ATP5MC2: variants seen among roughly 807,000 people sequenced by gnomAD.
The protein encoded by ATP5MC2 is ATP synthase F(0) complex subunit C2, mitochondrial.
Under a neutral mutation model 13.5 loss-of-function variants are expected in ATP5MC2, and 11 were observed. The ratio of observed to expected loss-of-function variants is 0.81; its 90% CI spans 0.51 to 1.35. The LOEUF is 1.35. Among genes scored for constraint, ATP5MC2 ranks in the 40% most tolerant of loss-of-function variants. The pLI is 0.00. For synonymous variants in ATP5MC2, 64 were observed against 69.7 expected, an observed-to-expected ratio of 0.92 and a Z score of 0.41; for missense variants, 132 against 175.0, an observed-to-expected ratio of 0.75 and a Z score of 1.39.
chr12:53,666,556 C>CT, intron 4 of ATP5MC2, among the ~76,000 whole-genome samples: 1 of 144,432 alleles, frequency 6.9e-6, no homozygotes, highest in African/African-American at 2.6e-5. Context: ...CCAGCCTGGG[C>CT]GACAGAGCAA....
At chr12:53,677,989 A>T (rs1945315453), upstream of ATP5MC2, among the ~76,000 whole-genome samples, 2 of 152,176 alleles carry the variant, frequency 1.3e-5, no homozygotes, top group African/African-American at 4.8e-5. Flanking sequence ...CTGTTGCGAC[A>T]ATTTAGACAC....
chr12:53,680,040 C>T (rs565996311), upstream of ATP5MC2, among the ~76,000 whole-genome samples: 24 of 152,190 alleles, frequency 1.6e-4, no homozygotes, highest in South Asian at 1.9e-3. Context: ...GGCTGGGGTG[C>T]GGTGACACGA....
chr12:53,675,899 A>G (rs1945249321), intron 1 of ATP5MC2, among the ~76,000 whole-genome samples, 154 bp downstream of exon 1: 1 of 152,210 alleles, frequency 6.6e-6, no homozygotes, highest in Non-Finnish European at 1.5e-5. Flanking sequence ...CACGCGGAAG[A>G]GCCAACTCTA....
rs1157404754 is a variant in ATP5MC2, at chr12:53,669,147, C to T, written c.311+1G>A. 3 of 1,604,072 alleles carry T rather than the reference C, an allele frequency of 1.9e-6. No homozygotes were observed. Among genetic ancestry groups the T allele is most frequent in the East Asian group, 2.2e-5 (1 of 44,728 alleles). On this transcript the variant is annotated splice_donor_variant, in intron 4 of 4. Coordinates refer to ENST00000394349, the MANE Select transcript of ATP5MC2 (RefSeq NM_005176.7). LOFTEE classifies it high-confidence loss of function. ...CCAGTGGAGGGTCCAACTTATCTTA[C>T]CTGGCATAACCAATGATGAGGCTCC...
intron 1 of ATP5MC2, chr12:53,673,779 C>A: frequency 5.7e-6 from 1 of 174,624 alleles, no homozygotes; most frequent in Non-Finnish European, 1.2e-5. Context: ...CAAGATTGCG[C>A]CATTGTACTC....
At chr12:53,675,937 G>C in intron 1 of ATP5MC2, 116 bp downstream of exon 1, 1 of 1,424,006 alleles carries the variant, frequency 7.0e-7, no homozygotes, top group Non-Finnish European at 9.4e-7. Context: ...AAGCAAGAAA[G>C]GGCGAGAGGA....
chr12:53,670,990 A>C (rs201511561), intron 2 of ATP5MC2, among the ~76,000 whole-genome samples: 1 of 151,386 alleles, frequency 6.6e-6, no homozygotes, highest in Non-Finnish European at 1.5e-5. Context: ...AAAAAATCTT[A>C]ATCTAAAGTT....
intron 1 of ATP5MC2, 134 bp downstream of exon 1, chr12:53,675,919 G>T: frequency 7.5e-7 from 1 of 1,339,982 alleles, no homozygotes; most frequent in Non-Finnish European, 1.0e-6. Flanking sequence ...AAGGCTAAGG[G>T]ATAGCGGAAG....
chr12:53,678,134 GT>G (rs1411057268), upstream of ATP5MC2, among the ~76,000 whole-genome samples: 1 of 152,192 alleles, frequency 6.6e-6, no homozygotes, highest in Non-Finnish European at 1.5e-5. Context: ...TGGGTTCTGC[GT>G]TCAGACAAAT....
At chr12:53,679,813 C>G (rs7312853), upstream of ATP5MC2, among the ~76,000 whole-genome samples, 46,243 of 151,804 alleles carry the variant, frequency 0.3, 7,188 homozygotes, top group East Asian at 0.36. Context: ...TGTGAGACAT[C>G]GGTAAACCTC....
intron 1 of ATP5MC2, among the ~76,000 whole-genome samples, chr12:53,675,132 C>T (rs1391594506): frequency 6.6e-6 from 1 of 152,224 alleles, no homozygotes. Flanking sequence ...AAGGCACTAT[C>T]CAGAATCAGG....
upstream of ATP5MC2, chr12:53,677,406 T>C (rs1945304948): frequency 6.6e-6 from 1 of 152,260 alleles, no homozygotes; most frequent in African/African-American, 2.4e-5. Flanking sequence ...AATGTAATTT[T>C]GCCCGGATGA....
At chr12:53,677,206 C>T (rs1945299241), upstream of ATP5MC2, 1 of 153,030 alleles carries the variant, frequency 6.5e-6, no homozygotes, top group Non-Finnish European at 1.5e-5. Flanking sequence ...CTCCCGGGCC[C>T]CGCGGCGCCC....
intron 2 of ATP5MC2, 97 bp from the exon 3 acceptor site, chr12:53,670,045 T>C (rs749506992): frequency 2.7e-5 from 30 of 1,122,850 alleles, no homozygotes; most frequent in Non-Finnish European, 4.0e-5. Context: ...CAAGATTTTC[T>C]TTCCTCTCAT....
At chr12:53,679,756 T>C (rs1267636163), upstream of ATP5MC2, among the ~76,000 whole-genome samples, 1 of 152,170 alleles carries the variant, frequency 6.6e-6, no homozygotes, top group Non-Finnish European at 1.5e-5. Flanking sequence ...CTGACTGATA[T>C]ATTTTCTACT....
chr12:53,670,131 C>G (rs566986912), intron 2 of ATP5MC2, 183 bp from the exon 3 acceptor site: 3 of 649,438 alleles, frequency 4.6e-6, no homozygotes, highest in Non-Finnish European at 8.5e-6. Flanking sequence ...TAAAGAACCA[C>G]ACCATTTCTC....
rs761208313 is a variant in ATP5MC2, at chr12:53,672,568, G to T, written c.39+8C>A. 2 of 1,569,584 alleles carry T rather than the reference G, an allele frequency of 1.3e-6. No individual in the cohort carries two copies. Among genetic ancestry groups the T allele is most frequent in the South Asian group, 2.3e-5 (2 of 85,376 alleles). The stretch of plus-strand genomic sequence containing the variant: ...CTTTAAAACTCTCCCAGAAAAGCAG[G>T]TACTCACCAAGGAGGGAGTGGAGAC... On this transcript the variant is annotated splice_region_variant and intron_variant, in intron 2 of 4. Coordinates refer to ENST00000394349, the MANE Select transcript of ATP5MC2 (RefSeq NM_005176.7).
intron 2 of ATP5MC2, chr12:53,670,256 C>A (rs534323908): frequency 2.6e-6 from 1 of 388,634 alleles, no homozygotes; most frequent in Admixed American, 3.6e-5. Flanking sequence ...AAATCTAAGC[C>A]TCAGAAGCAT....
intron 4 of ATP5MC2, among the ~76,000 whole-genome samples, chr12:53,666,931 G>A (rs187772431): frequency 2.9e-3 from 397 of 136,190 alleles, no homozygotes; most frequent in Middle Eastern, 0.012. Context: ...GGGAGACAGC[G>A]AGACTCAGTC....
Sources: gnomAD v4.1 joint callset for allele counts (sites outside exome capture counted in the v4.1 genomes callset) on GRCh38, gnomAD v4.1.1 for gene constraint, MANE v1.5 for transcripts, NCBI Gene and HGNC (gene_info 2026-07-23, HGNC 2026-07-21) for gene names.